C1orf141: variants seen among roughly 807,000 people sequenced by gnomAD.
C1orf141 encodes the protein chromosome 1 open reading frame 141.
A neutral mutation model predicts 23.2 loss-of-function variants in C1orf141; 19 were observed. That is an observed-to-expected ratio of 0.82 (90% CI 0.57 to 1.20). The LOEUF (loss-of-function observed/expected upper bound fraction) is 1.20, where lower values mean the gene tolerates loss of function less well. Ranked by LOEUF, C1orf141 falls within the 50% of genes most tolerant of loss-of-function variation. C1orf141 has a pLI of 0.00. For missense variants in C1orf141, 469 were observed against 455.1 expected (o/e 1.03, Z -0.28); for synonymous variants, 153 against 154.6 (o/e 0.99, Z 0.08).
intron 5 of C1orf141, among the ~76,000 whole-genome samples, chr1:67,096,967 G>A (rs1645694794): frequency 6.6e-6 from 1 of 152,138 alleles, no homozygotes; most frequent in Non-Finnish European, 1.5e-5. Flanking sequence ...TGATGGCTAA[G>A]GAATCAATAT....
intron 4 of C1orf141, among the ~76,000 whole-genome samples, chr1:67,118,691 G>A (rs1213598826): frequency 6.6e-6 from 1 of 152,274 alleles, no homozygotes; most frequent in South Asian, 2.1e-4. Context: ...AGATAATTAG[G>A]TTATGAGGGT....
Position 67,092,875 on chromosome 1 carries a change from T to A in C1orf141, c.*130A>T. ...GAACAGACCACTGCTGACTTATAAT[T>A]CTAATGTCTATGCTTTGCTTTCTTA... is the stretch of plus-strand genomic sequence containing the variant. On this transcript the variant is annotated 3_prime_UTR_variant, in exon 8 of 8. Coordinates refer to ENST00000684719, the MANE Select transcript of C1orf141 (RefSeq NM_001276351.2). The A allele has an allele frequency of 1.4e-6, 1 of 707,548 alleles. No homozygotes were observed. The highest frequency in any genetic ancestry group is 2.1e-5 in the South Asian group (1 of 47,838). The allele number at this position is 707,548 out of a possible 1,614,324, so 43.8% of individuals were successfully genotyped here. A position where few individuals can be genotyped will look rare whatever the true frequency, so the allele number is the denominator to read the frequency against.
upstream of C1orf141, chr1:67,139,147 A>C (rs1024460598): frequency 6.6e-5 from 10 of 152,318 alleles, no homozygotes; most frequent in African/African-American, 2.4e-4. Context: ...AGACCTCTTC[A>C]GCTAACATGA....
At chr1:67,127,014 A>AATG (rs1646428498) in intron 3 of C1orf141, 152 bp downstream of exon 3, 8 of 454,842 alleles carry the variant, frequency 1.8e-5, no homozygotes. Flanking sequence ...TTATATTTGT[A>AATG]TACATTACAT....
chr1:67,130,904 C>T (rs1237057966), intron 2 of C1orf141, among the ~76,000 whole-genome samples: 2 of 152,108 alleles, frequency 1.3e-5, no homozygotes, highest in African/African-American at 2.4e-5. Flanking sequence ...GGATAAATGG[C>T]CCTGGGAAAA....
intron 4 of C1orf141, among the ~76,000 whole-genome samples, chr1:67,125,022 T>C (rs527366525): frequency 2.6e-5 from 4 of 152,374 alleles, no homozygotes; most frequent in African/African-American, 4.8e-5. Flanking sequence ...AAAAATTTTA[T>C]AGCATTATGC....
intron 2 of C1orf141, 34 bp from the exon 3 acceptor site, chr1:67,127,291 A>G (rs1369654753): frequency 2.4e-6 from 3 of 1,246,776 alleles, no homozygotes; most frequent in Non-Finnish European, 3.5e-6. Flanking sequence ...AGAACAAATC[A>G]ATTCAAATTT....
intron 5 of C1orf141, 32 bp downstream of exon 5, chr1:67,115,320 C>A: frequency 2.5e-6 from 2 of 799,676 alleles, no homozygotes; most frequent in South Asian, 3.1e-5. Flanking sequence ...ATTAATAAAT[C>A]AAAGAAGTAA....
Position 67,125,895 on chromosome 1 carries a change from C to G in C1orf141, c.90G>C (p.Gln30His), listed in dbSNP as rs201958436. 5.0e-6 allele frequency: 8 copies of G among 1,592,356 alleles called. No individual in the cohort carries two copies. Among genetic ancestry groups the G allele is most frequent in the Middle Eastern group, 1.7e-4 (1 of 5,996 alleles). ...LARRTKINRL[Q>H]SEGRKTTMAI... ...CCATAGTTGTTTTTCTTCCTTCACTCTGAAGCCTGTTTATCTGCAGCAATG... is the reference window on the plus strand; with the variant it reads ...CCATAGTTGTTTTTCTTCCTTCACTGTGAAGCCTGTTTATCTGCAGCAATG... The change falls in exon 4 of 8, where the codon CAG becomes CAC. Residue 30 changes from glutamine to histidine, a missense_variant. Transcript: ENST00000684719.
chr1:67,101,661 G>A (rs1196443932), intron 5 of C1orf141, among the ~76,000 whole-genome samples: 1 of 151,986 alleles, frequency 6.6e-6, no homozygotes, highest in Admixed American at 6.6e-5. Flanking sequence ...GGGATAAAAT[G>A]TCCCACTTTC....
chr1:67,119,799 T>C (rs1353214275), intron 4 of C1orf141, among the ~76,000 whole-genome samples: 1 of 152,238 alleles, frequency 6.6e-6, no homozygotes, highest in Non-Finnish European at 1.5e-5. Flanking sequence ...AGCTACTGTA[T>C]GCAGCTGTTC....
chr1:67,107,197 T>C (rs1356195353), intron 5 of C1orf141, among the ~76,000 whole-genome samples: 1 of 152,084 alleles, frequency 6.6e-6, no homozygotes, highest in Non-Finnish European at 1.5e-5. Context: ...ATGTATACTT[T>C]AATCTATACG....
chr1:67,141,037 T>C (rs1366573539), intron 1 of C1orf141, among the ~76,000 whole-genome samples: 1 of 152,180 alleles, frequency 6.6e-6, no homozygotes, highest in Non-Finnish European at 1.5e-5. Context: ...CATAGGATGA[T>C]AAATATGATG....
At chr1:67,112,690 G>A (rs561935409) in intron 5 of C1orf141, among the ~76,000 whole-genome samples, 2 of 152,098 alleles carry the variant, frequency 1.3e-5, no homozygotes, top group Non-Finnish European at 2.9e-5. Flanking sequence ...AACAGAGTGA[G>A]ACCGTGTCAG....
At position 67,093,678 on chromosome 1, in the gene C1orf141, T is replaced by A. The variant is rs1384258458; in HGVS notation, c.604-74A>T. On this transcript the variant is annotated intron_variant, in intron 7 of 7. Coordinates refer to ENST00000684719, the MANE Select transcript of C1orf141 (RefSeq NM_001276351.2). ...AAAGCTCCATATATTTTAAAACATG[T>A]AAATAAAATTGTAAAATATTCTAAA... is the stretch of plus-strand genomic sequence containing the variant. The A allele has an allele frequency of 5.9e-6, 7 of 1,182,216 alleles. No individual in the cohort carries two copies. In the South Asian group the frequency reaches 1.1e-4, roughly 19 times the overall value. The allele number at this position is 1,182,216 out of a possible 1,614,324, so 73.2% of individuals were successfully genotyped here.
chr1:67,109,262 G>C (rs1646008655), intron 5 of C1orf141, among the ~76,000 whole-genome samples: 2 of 144,490 alleles, frequency 1.4e-5, no homozygotes, highest in South Asian at 4.3e-4. Flanking sequence ...AGGAGGCAGA[G>C]CTTGCAGTGA....
chr1:67,105,971 A>G (rs1183055688), intron 5 of C1orf141, among the ~76,000 whole-genome samples: 1 of 152,210 alleles, frequency 6.6e-6, no homozygotes, highest in Non-Finnish European at 1.5e-5. Flanking sequence ...CATTCCCTGC[A>G]TGAGAGACTC....
At chr1:67,122,609 C>T (rs1409220353) in intron 4 of C1orf141, 3 of 152,070 alleles carry the variant, frequency 2.0e-5, no homozygotes, top group Non-Finnish European at 2.9e-5. Flanking sequence ...TTGACTGCTT[C>T]CTCAAATTTT....
At chr1:67,135,564 G>A (rs1646578112), upstream of C1orf141, among the ~76,000 whole-genome samples, 1 of 152,138 alleles carries the variant, frequency 6.6e-6, no homozygotes, top group African/African-American at 2.4e-5. Flanking sequence ...CATACATTCT[G>A]CTGTATTTAC....
Sources: gnomAD v4.1 joint callset for allele counts (sites outside exome capture counted in the v4.1 genomes callset) on GRCh38, gnomAD v4.1.1 for gene constraint, MANE v1.5 for transcripts, NCBI Gene and HGNC (gene_info 2026-07-23, HGNC 2026-07-21) for gene names.